Variants in ASIC2 observed in about 807,000 individuals in gnomAD.
ASIC2 encodes acid sensing ion channel subunit 2.
A neutral mutation model predicts 57.3 loss-of-function variants in ASIC2; 25 were observed. The observed-to-expected ratio is 0.44, with a 90% CI of 0.32 to 0.61. The LOEUF (loss-of-function observed/expected upper bound fraction) is 0.61. ASIC2 is among the 20% of genes least tolerant of loss of function. The pLI, the probability that ASIC2 is intolerant of heterozygous loss-of-function variation, is 0.06. For synonymous variants in ASIC2, 319 were observed against 307.5 expected, an observed-to-expected ratio of 1.04 and a Z score of -0.39; for missense variants, 641 against 738.1, an observed-to-expected ratio of 0.87 and a Z score of 1.52.
At chr17:33,709,289 A>C (rs1041913546) in intron 1 of ASIC2, among the ~76,000 whole-genome samples, 2 of 152,246 alleles carry the variant, frequency 1.3e-5, no homozygotes, top group African/African-American at 4.8e-5. Flanking sequence ...CTCCTCCCAC[A>C]GAAGATATCC....
At chr17:34,100,294 G>A (rs917806136) in intron 1 of ASIC2, among the ~76,000 whole-genome samples, 16 of 151,494 alleles carry the variant, frequency 1.1e-4, no homozygotes, top group African/African-American at 3.2e-4. Context: ...GTGGATAAGC[G>A]GCATCATGGA....
chr17:33,680,543 G>T (rs1187677810), intron 1 of ASIC2: 1 of 152,286 alleles, frequency 6.6e-6, no homozygotes, highest in Non-Finnish European at 1.5e-5. Flanking sequence ...CCCTGTGTCT[G>T]CCTGTACTAG....
chr17:33,833,361 C>A (rs1913173813), intron 1 of ASIC2, among the ~76,000 whole-genome samples: 1 of 151,860 alleles, frequency 6.6e-6, no homozygotes, highest in Non-Finnish European at 1.5e-5. Flanking sequence ...TAAAAAAACC[C>A]CAGAGAACCA....
Position 34,099,219 on chromosome 17 carries a change from AAAG to A in ASIC2, c.555+56756_555+56758del, listed in dbSNP as rs763102473. Among the ~76,000 whole-genome samples the A allele has an allele frequency of 4.6e-4, 48 of 105,090 alleles. 1 individual carries two copies. The East Asian group carries it at 9.2e-3, about 20-fold the overall frequency. The allele number at this position is 105,090 out of a possible 152,430, so 68.9% of individuals were successfully genotyped here. ...AAGAAAGAAAGAAAGAAAGGAAAGA[AAAG>A]AAAGAAAAAAGAAAGAGAGAAAGGA... On this transcript the variant is annotated intron_variant, in intron 1 of 9. Transcript: ENST00000359872.
chr17:33,867,367 C>A (rs1914270038), intron 1 of ASIC2, among the ~76,000 whole-genome samples: 1 of 152,166 alleles, frequency 6.6e-6, no homozygotes, highest in Non-Finnish European at 1.5e-5. Context: ...AGAATTTTCA[C>A]AATAACTAGA....
intron 1 of ASIC2, among the ~76,000 whole-genome samples, chr17:33,611,118 T>C (rs898467516): frequency 6.6e-6 from 1 of 152,170 alleles, no homozygotes; most frequent in African/African-American, 2.4e-5. Flanking sequence ...GACCTCTGCT[T>C]TCCTGCTGCT....
At chr17:34,010,249 C>G (rs535894984) in intron 1 of ASIC2, among the ~76,000 whole-genome samples, 3 of 152,258 alleles carry the variant, frequency 2.0e-5, no homozygotes, top group African/African-American at 7.2e-5. Flanking sequence ...TTTGACCTAT[C>G]TGGGGCTGGA....
intron 1 of ASIC2, among the ~76,000 whole-genome samples, chr17:33,660,770 CGGA>C (rs1263632965): frequency 6.6e-6 from 1 of 152,216 alleles, no homozygotes; most frequent in Non-Finnish European, 1.5e-5. Flanking sequence ...TAGACTCTTA[CGGA>C]ACCACTGTCG....
At chr17:33,694,706 CA>C (rs1330317045) in intron 1 of ASIC2, among the ~76,000 whole-genome samples, 1 of 152,156 alleles carries the variant, frequency 6.6e-6, no homozygotes, top group Non-Finnish European at 1.5e-5. Flanking sequence ...AGAGAGAGAA[CA>C]GGGGGTGAGA....
intron 1 of ASIC2, among the ~76,000 whole-genome samples, chr17:33,134,629 C>T (rs1355845446): frequency 6.6e-6 from 1 of 152,250 alleles, no homozygotes; most frequent in Admixed American, 6.5e-5. Flanking sequence ...CAAACACTTC[C>T]AGAGCCTGGA....
chr17:33,808,116 A>C (rs544372942), intron 1 of ASIC2, among the ~76,000 whole-genome samples: 31 of 152,326 alleles, frequency 2.0e-4, no homozygotes, highest in African/African-American at 6.7e-4. Context: ...GCCAAGTCCT[A>C]GGCCATCTAT....
At chr17:33,165,750 C>T (rs952901362) in intron 1 of ASIC2, among the ~76,000 whole-genome samples, 4 of 152,076 alleles carry the variant, frequency 2.6e-5, no homozygotes, top group African/African-American at 4.8e-5. Context: ...CTTCAGCTAC[C>T]TTTTGAGGAG....
intron 1 of ASIC2, among the ~76,000 whole-genome samples, chr17:33,239,738 T>C (rs561938825): frequency 2.6e-5 from 4 of 152,314 alleles, no homozygotes; most frequent in South Asian, 2.1e-4. Context: ...GGGAGAGCCA[T>C]AGAGACATTT....
chr17:33,014,349 T>A (rs930454556), intron 9 of ASIC2, among the ~76,000 whole-genome samples: 2 of 152,098 alleles, frequency 1.3e-5, no homozygotes, highest in Admixed American at 1.3e-4. Context: ...ACTGGACCTA[T>A]ATCTGAGTGG....
At chr17:34,048,051 T>C (rs931926241) in intron 1 of ASIC2, among the ~76,000 whole-genome samples, 2 of 152,184 alleles carry the variant, frequency 1.3e-5, no homozygotes, top group South Asian at 2.1e-4. Context: ...CAGTTTTTGA[T>C]GGAACACTCT....
chr17:33,463,551 C>A (rs748051451), intron 1 of ASIC2, among the ~76,000 whole-genome samples: 1 of 152,214 alleles, frequency 6.6e-6, no homozygotes, highest in Admixed American at 6.5e-5. Flanking sequence ...TATCTACAGG[C>A]AATGGGGCAG....
At chr17:33,311,969 T>A (rs1906444090) in intron 1 of ASIC2, among the ~76,000 whole-genome samples, 1 of 152,208 alleles carries the variant, frequency 6.6e-6, no homozygotes, top group African/African-American at 2.4e-5. Context: ...AAGCAGTCTT[T>A]TCAAGTTCCC....
chr17:33,563,544 T>C (rs1916141968), intron 1 of ASIC2, among the ~76,000 whole-genome samples: 1 of 152,208 alleles, frequency 6.6e-6, no homozygotes, highest in Non-Finnish European at 1.5e-5. Flanking sequence ...ACTCTTGGCC[T>C]TTACCTACTT....
intron 1 of ASIC2, among the ~76,000 whole-genome samples, chr17:33,785,904 C>T (rs1224219485): frequency 1.3e-5 from 2 of 152,162 alleles, no homozygotes; most frequent in Non-Finnish European, 2.9e-5. Flanking sequence ...ACATAGGATC[C>T]CTTGAACTGG....
Sources: allele counts gnomAD v4.1 joint callset (sites outside exome capture counted in the v4.1 genomes callset), GRCh38; gene constraint gnomAD v4.1.1; transcripts MANE v1.5; gene names NCBI Gene and HGNC (gene_info 2026-07-23, HGNC 2026-07-21).